GHR: variants seen among roughly 807,000 people sequenced by gnomAD.
GHR encodes the protein GH receptor.
A neutral mutation model predicts 67.1 loss-of-function variants in GHR; 35 were observed. That is an observed-to-expected ratio of 0.52 (90% confidence interval 0.40 to 0.69). The LOEUF (loss-of-function observed/expected upper bound fraction) is 0.69. Ranked by LOEUF, GHR falls within the 30% of genes least tolerant of loss-of-function variation. The probability of loss-of-function intolerance (pLI) is 0.00; values close to 1 mark genes in which losing one functional copy is unlikely to be tolerated. For missense variants in GHR, 792 were observed against 764.6 expected (o/e 1.04, Z -0.42); for synonymous variants, 272 against 269.1 (o/e 1.01, Z -0.10).
At chr5:42,654,222 C>T (rs536784457) in intron 3 of GHR, among the ~76,000 whole-genome samples, 3 of 152,240 alleles carry the variant, frequency 2.0e-5, no homozygotes, top group Non-Finnish European at 4.4e-5. Context: ...CTTTACCTCT[C>T]AGAGTCTTAC....
intron 1 of GHR, among the ~76,000 whole-genome samples, chr5:42,540,190 T>TCC (rs1203612676): frequency 7.5e-6 from 1 of 133,330 alleles, no homozygotes; most frequent in Non-Finnish European, 1.5e-5. Flanking sequence ...GTATTCTCTC[T>TCC]CTCTCTCTCT....
chr5:42,534,498 A>G (rs1301049850), intron 1 of GHR, among the ~76,000 whole-genome samples: 2 of 143,040 alleles, frequency 1.4e-5, no homozygotes, highest in Non-Finnish European at 3.0e-5. Flanking sequence ...ATGTATGTAT[A>G]TATGTACATA....
chr5:42,697,545 CA>C (rs1298622696), intron 5 of GHR, among the ~76,000 whole-genome samples: 1 of 74,722 alleles, frequency 1.3e-5, no homozygotes, highest in African/African-American at 3.6e-5. Flanking sequence ...GGCATTTCAG[CA>C]AGGGGGCACG....
intron 1 of GHR, among the ~76,000 whole-genome samples, chr5:42,537,345 G>T (rs1181021919): frequency 6.6e-6 from 1 of 152,090 alleles, no homozygotes. Context: ...CAAAGGTTTT[G>T]ATAGGTTGTG....
chr5:42,688,821 T>A (rs1199480415), intron 3 of GHR, 69 bp from the exon 4 acceptor site: 6 of 1,383,004 alleles, frequency 4.3e-6, no homozygotes, highest in Non-Finnish European at 6.2e-6. Context: ...ACACTTTAGA[T>A]ACGTGTCTCA....
chr5:42,525,861 G>T (rs1266948202), intron 1 of GHR, among the ~76,000 whole-genome samples: 1 of 152,206 alleles, frequency 6.6e-6, no homozygotes, highest in Non-Finnish European at 1.5e-5. Flanking sequence ...CCGCCACCAT[G>T]TAAGAAGAGT....
intron 3 of GHR, among the ~76,000 whole-genome samples, chr5:42,635,948 T>C (rs546887200): frequency 3.3e-5 from 5 of 151,980 alleles, no homozygotes; most frequent in African/African-American, 4.8e-5. Flanking sequence ...CGGTGGCTCA[T>C]GCCTGTAATC....
At chr5:42,532,347 A>G (rs1407349597) in intron 1 of GHR, among the ~76,000 whole-genome samples, 2 of 131,250 alleles carry the variant, frequency 1.5e-5, no homozygotes, top group Non-Finnish European at 3.3e-5. Context: ...TTTGATATAG[A>G]TGATAGATAG....
chr5:42,690,045 C>G (rs531785767), intron 4 of GHR, among the ~76,000 whole-genome samples: 16 of 152,250 alleles, frequency 1.1e-4, no homozygotes, highest in Admixed American at 7.8e-4. Flanking sequence ...ATATTTTTCC[C>G]TTTTTTACAT....
chr5:42,692,496 C>G (rs1757465451), intron 4 of GHR, among the ~76,000 whole-genome samples: 1 of 152,088 alleles, frequency 6.6e-6, no homozygotes, highest in African/African-American at 2.4e-5. Context: ...AATTTGGGTT[C>G]TTGTCTACAT....
intron 1 of GHR, among the ~76,000 whole-genome samples, chr5:42,481,448 G>A (rs1456017691): frequency 1.3e-5 from 2 of 152,122 alleles, no homozygotes; most frequent in East Asian, 1.9e-4. Context: ...TTGCTAGATT[G>A]GGGAAGTTCA....
At chr5:42,703,442 T>G (rs1194883616) in intron 6 of GHR, among the ~76,000 whole-genome samples, 1 of 152,098 alleles carries the variant, frequency 6.6e-6, no homozygotes, top group Non-Finnish European at 1.5e-5. Context: ...CATGCTGTTT[T>G]GATGACTATA....
At chr5:42,511,992 G>A (rs981043268) in intron 1 of GHR, among the ~76,000 whole-genome samples, 2 of 152,154 alleles carry the variant, frequency 1.3e-5, no homozygotes, top group African/African-American at 4.8e-5. Flanking sequence ...ACTGCAGATA[G>A]ACCCTACGCT....
intron 1 of GHR, among the ~76,000 whole-genome samples, chr5:42,464,846 G>A (rs1744657298): frequency 6.6e-6 from 1 of 152,110 alleles, no homozygotes. Context: ...AAGAAAGGAA[G>A]GGAATGTGAC....
At chr5:42,600,270 G>A (rs1752305686) in intron 2 of GHR, among the ~76,000 whole-genome samples, 1 of 152,216 alleles carries the variant, frequency 6.6e-6, no homozygotes, top group South Asian at 2.1e-4. Flanking sequence ...ACATTTATTA[G>A]GGGATGCCAC....
intron 1 of GHR, among the ~76,000 whole-genome samples, chr5:42,447,763 T>TTC (rs567460930): frequency 6.8e-6 from 1 of 147,432 alleles, no homozygotes; most frequent in African/African-American, 2.5e-5. Context: ...TTTCTTTTCT[T>TTC]TCTCTCTCTC....
intron 1 of GHR, among the ~76,000 whole-genome samples, chr5:42,505,923 G>A (rs926117935): frequency 9.2e-5 from 14 of 152,166 alleles, no homozygotes; most frequent in Non-Finnish European, 1.2e-4. Context: ...CCTATAAAGT[G>A]AAAGGAACAG....
intron 1 of GHR, among the ~76,000 whole-genome samples, chr5:42,561,462 C>T (rs1749602300): frequency 6.6e-6 from 1 of 152,180 alleles, no homozygotes; most frequent in East Asian, 1.9e-4. Flanking sequence ...TTGGTTATAG[C>T]ATGCTGGAAA....
intron 3 of GHR, among the ~76,000 whole-genome samples, chr5:42,659,876 G>T (rs914902183): frequency 6.6e-6 from 1 of 152,146 alleles, no homozygotes; most frequent in African/African-American, 2.4e-5. Context: ...GTGACAGATG[G>T]CACCTGGAAA....
Sources: gnomAD v4.1 joint callset for allele counts (sites outside exome capture counted in the v4.1 genomes callset) on GRCh38, gnomAD v4.1.1 for gene constraint, MANE v1.5 for transcripts, NCBI Gene and HGNC (gene_info 2026-07-23, HGNC 2026-07-21) for gene names.